The following IFT122 variants were observed in gnomAD, a reference collection of about 807,000 sequenced individuals.
IFT122 encodes intraflagellar transport 122, also known as intraflagellar transport protein 122 homolog.
A neutral mutation model predicts 161.6 loss-of-function variants in IFT122; 118 were observed. The observed-to-expected ratio is 0.73, with a 90% CI of 0.63 to 0.85. The LOEUF is 0.85. Among genes scored for constraint, IFT122 ranks in the 40% least tolerant of loss-of-function variants. IFT122 has a pLI of 0.00. For synonymous variants in IFT122, 550 were observed against 602.4 expected (o/e 0.91, Z 1.27); for missense variants, 1,381 against 1,579.6 (o/e 0.87, Z 2.13).
intron 5 of IFT122, among the ~76,000 whole-genome samples, chr3:129,462,035 G>A (rs55901466): frequency 0.13 from 20,176 of 152,184 alleles, 1,707 homozygotes; most frequent in South Asian, 0.24. Flanking sequence ...ATCCCTCTCA[G>A]TGTTCCAGTT....
intron 17 of IFT122, among the ~76,000 whole-genome samples, chr3:129,494,976 G>A (rs1467142621): frequency 2.0e-5 from 3 of 152,194 alleles, no homozygotes; most frequent in Non-Finnish European, 2.9e-5. Flanking sequence ...CTCTTTAGAA[G>A]TAGGGATATC....
chr3:129,492,366 C>T (rs1320770978), intron 17 of IFT122, among the ~76,000 whole-genome samples, 172 bp downstream of exon 17: 1 of 152,144 alleles, frequency 6.6e-6, no homozygotes, highest in African/African-American at 2.4e-5. Context: ...CTGGGGGAGA[C>T]AACAGCAGGT....
intron 23 of IFT122, among the ~76,000 whole-genome samples, chr3:129,510,051 C>T (rs956117247): frequency 6.6e-6 from 1 of 152,216 alleles, no homozygotes; most frequent in Non-Finnish European, 1.5e-5. Flanking sequence ...CCTGCTCCCT[C>T]CAGCTGGGCA....
At chr3:129,511,062 G>A (rs2082761784) in intron 23 of IFT122, among the ~76,000 whole-genome samples, 1 of 152,182 alleles carries the variant, frequency 6.6e-6, no homozygotes, top group African/African-American at 2.4e-5. Context: ...AGGCCTGGAG[G>A]TGAGTGGTAG....
intron 26 of IFT122, among the ~76,000 whole-genome samples, chr3:129,516,460 CGCCCCTGCACACACACATGGAGACT>C (rs796553443): frequency 0.023 from 2,338 of 102,276 alleles, 77 homozygotes; most frequent in African/African-American, 0.059. Context: ...ACACAGAGAC[CGCCCCTGCACACACACATGGAGACT>C]GCCCCTGCAC....
At chr3:129,495,823 C>G (rs1016980595) in intron 18 of IFT122, among the ~76,000 whole-genome samples, 54 of 152,364 alleles carry the variant, frequency 3.5e-4, no homozygotes, top group African/African-American at 1.2e-3. Context: ...AGGGGGCAGA[C>G]TATGGCAGTT....
chr3:129,473,315 T>C (rs2077556254), intron 9 of IFT122, among the ~76,000 whole-genome samples: 1 of 152,218 alleles, frequency 6.6e-6, no homozygotes, highest in Non-Finnish European at 1.5e-5. Context: ...CAAAAATTCT[T>C]ATCTGCTATT....
At chr3:129,495,639 G>A in intron 18 of IFT122, 32 bp downstream of exon 18, 6 of 1,613,466 alleles carry the variant, frequency 3.7e-6, no homozygotes, top group Non-Finnish European at 5.1e-6. Context: ...CCAAGCTCCA[G>A]CTTGGAGCCC....
intron 18 of IFT122, among the ~76,000 whole-genome samples, chr3:129,495,936 CCT>C (rs2080786940): frequency 6.6e-6 from 1 of 152,214 alleles, no homozygotes; most frequent in Non-Finnish European, 1.5e-5. Flanking sequence ...CCCCACAAAT[CCT>C]CTCAATCCTT....
intron 14 of IFT122, among the ~76,000 whole-genome samples, 190 bp downstream of exon 14, chr3:129,481,884 C>T (rs1399961858): frequency 6.6e-6 from 1 of 152,246 alleles, no homozygotes; most frequent in Non-Finnish European, 1.5e-5. Context: ...GCACAAGCCG[C>T]AGGGCCTGGA....
intron 8 of IFT122, 78 bp from the exon 9 acceptor site, chr3:129,469,264 C>T: frequency 7.9e-7 from 1 of 1,262,530 alleles, no homozygotes; most frequent in Non-Finnish European, 1.2e-6. Context: ...TTCCTTGTTC[C>T]TGTTGTTTAA....
chr3:129,441,062 G>A (rs1440952627), intron 1 of IFT122, among the ~76,000 whole-genome samples: 2 of 152,066 alleles, frequency 1.3e-5, no homozygotes, highest in Non-Finnish European at 2.9e-5. Context: ...GAACTGAAGG[G>A]GAATGACTTT....
In IFT122 at chr3:129,456,221, C is replaced by T. The variant is rs544349201; in HGVS notation, c.194-2378C>T. On this transcript the variant is annotated intron_variant, in intron 3 of 29. Coordinates refer to ENST00000348417, the MANE Select transcript of IFT122 (RefSeq NM_052989.3). ...GCCCAAAGCTTATGCTTTTCATCAC[C>T]ATCACCTGCTACCTACCAGGATGAG... 5.4e-6 allele frequency: 7 copies of T among 1,286,362 alleles called. No individual in the cohort carries two copies. In the Admixed American group the frequency reaches 6.9e-5, roughly 13 times the overall value. The allele number at this position is 1,286,362 out of a possible 1,614,324, so 79.7% of individuals were successfully genotyped here. A position where few individuals can be genotyped will look rare whatever the true frequency, so the allele number is the denominator to read the frequency against.
chr3:129,492,357 T>G (rs2080232642), intron 17 of IFT122, among the ~76,000 whole-genome samples, 163 bp downstream of exon 17: 1 of 152,054 alleles, frequency 6.6e-6, no homozygotes, highest in African/African-American at 2.4e-5. Flanking sequence ...GTGGCCACAC[T>G]GGGGGAGACA....
chr3:129,469,269 G>A, intron 8 of IFT122, 73 bp from the exon 9 acceptor site: 1 of 1,312,030 alleles, frequency 7.6e-7, no homozygotes, highest in Non-Finnish European at 1.1e-6. Flanking sequence ...TGTTCCTGTT[G>A]TTTAAGCCCT....
At chr3:129,513,952 C>T (rs1393875538) in intron 24 of IFT122, 1 of 347,556 alleles carries the variant, frequency 2.9e-6, no homozygotes, top group Non-Finnish European at 5.7e-6. Context: ...GTGGGGTACA[C>T]CCAGGGGCCT....
At chr3:129,475,927 G>A (rs912592832) in intron 9 of IFT122, among the ~76,000 whole-genome samples, 4 of 152,210 alleles carry the variant, frequency 2.6e-5, no homozygotes, top group East Asian at 1.9e-4. Flanking sequence ...TTAAAAAGGC[G>A]GAGAAAAGAA....
intron 12 of IFT122, among the ~76,000 whole-genome samples, 161 bp downstream of exon 12, chr3:129,478,379 A>G (rs1417511648): frequency 6.6e-6 from 1 of 152,204 alleles, no homozygotes; most frequent in East Asian, 1.9e-4. Context: ...TGGCATCTGG[A>G]TGAACCAGAC....
At chr3:129,516,301 CACACACAG>C (rs1347921222) in intron 26 of IFT122, among the ~76,000 whole-genome samples, 1 of 138,770 alleles carries the variant, frequency 7.2e-6, no homozygotes, top group African/African-American at 3.1e-5. Context: ...CACACACACA[CACACACAG>C]AGACTGCCCC....
Sources: allele counts gnomAD v4.1 joint callset (sites outside exome capture counted in the v4.1 genomes callset), GRCh38; gene constraint gnomAD v4.1.1; transcripts MANE v1.5; gene names NCBI Gene and HGNC (gene_info 2026-07-23, HGNC 2026-07-21).